Variants in TENM2 observed in about 807,000 individuals in gnomAD.
TENM2 encodes the protein teneurin-2.
In TENM2, 52 loss-of-function variants were observed where a neutral mutation model predicts 245.2. The ratio of observed to expected loss-of-function variants is 0.21; its 90% CI spans 0.17 to 0.27. TENM2 has a LOEUF of 0.27. Ranked by LOEUF, TENM2 falls within the 10% of genes least tolerant of loss-of-function variation. The pLI is 1.00. For missense variants in TENM2, 3,046 were observed against 3,666.8 expected (o/e 0.83, Z 4.37); for synonymous variants, 1,363 against 1,438.9 (o/e 0.95, Z 1.19).
the TENM2 span, among the ~76,000 whole-genome samples, chr5:167,071,456 T>TTGCC: frequency 2.0e-5 from 3 of 152,178 alleles, no homozygotes; most frequent in African/African-American, 7.2e-5. Context: ...TGGGCTCTGC[T>TTGCC]TGCCAAGTTG....
rs571533667 is a variant in TENM2, at chr5:167,890,396, ATGTTTGTGTAATATTTTC to A, written c.712+14203_712+14220del. Among the ~76,000 whole-genome samples, 1,016 of 152,228 alleles carry A rather than the reference ATGTTTGTGTAATATTTTC, an allele frequency of 6.7e-3. 4 individuals carry two copies. The highest frequency in any genetic ancestry group is 0.014 in the Admixed American group (213 of 15,290). ...TATTAAATAATAATCATCATCACTT[ATGTTTGTGTAATATTTTC>A]TATTTCAAGGAACAAGATCATGTCC... On this transcript the variant is annotated intron_variant, in intron 3 of 28. Transcript: ENST00000518659.
chr5:167,378,638 T>C (rs1056471038), intron 2 of TENM2, among the ~76,000 whole-genome samples: 1 of 152,134 alleles, frequency 6.6e-6, no homozygotes, highest in South Asian at 2.1e-4. Context: ...CTAGTAACTT[T>C]AAATTAGAGT....
chr5:167,761,610 G>A (rs1275940982), intron 2 of TENM2, among the ~76,000 whole-genome samples: 1 of 152,148 alleles, frequency 6.6e-6, no homozygotes, highest in South Asian at 2.1e-4. Flanking sequence ...TTTTAGTTTT[G>A]AATTATTAAG....
intron 3 of TENM2, among the ~76,000 whole-genome samples, chr5:167,898,153 G>A (rs1006052711): frequency 6.6e-6 from 1 of 152,128 alleles, no homozygotes; most frequent in African/African-American, 2.4e-5. Flanking sequence ...ACCTTTGGAT[G>A]TTGCCAATAG....
the TENM2 span, among the ~76,000 whole-genome samples, chr5:167,007,753 A>T: frequency 2.0e-5 from 3 of 152,170 alleles, no homozygotes; most frequent in South Asian, 2.1e-4. This position sits in a 1 kb window ranked among gnomAD's most constrained non-coding sequence, Gnocchi z 4.2. Flanking sequence ...CGAATCCATT[A>T]TTTTAAATAG....
chr5:167,328,372 A>C (rs920903423), intron 1 of TENM2, among the ~76,000 whole-genome samples: 1 of 151,848 alleles, frequency 6.6e-6, no homozygotes, highest in African/African-American at 2.4e-5. Context: ...ATGCCCAGCT[A>C]ATTTTTTTGT....
At chr5:167,860,395 C>T (rs1771663201) in intron 2 of TENM2, among the ~76,000 whole-genome samples, 4 of 98,852 alleles carry the variant, frequency 4.0e-5, no homozygotes, top group South Asian at 8.7e-4. Flanking sequence ...CCCGGCCAGC[C>T]GCCCCGTCCG....
the TENM2 span, among the ~76,000 whole-genome samples, chr5:167,239,214 T>G: frequency 6.6e-6 from 1 of 152,206 alleles, no homozygotes; most frequent in African/African-American, 2.4e-5. Flanking sequence ...TAATAGACAC[T>G]TTTCATTTAG....
intron 24 of TENM2, among the ~76,000 whole-genome samples, 199 bp from the exon 27 acceptor site, chr5:168,227,696 T>G (rs1764346728): frequency 6.6e-6 from 1 of 152,102 alleles, no homozygotes; most frequent in South Asian, 2.1e-4. Context: ...CATATTATGT[T>G]TTTCTTTACG....
chr5:168,039,102 G>A (rs1290265847), intron 5 of TENM2, among the ~76,000 whole-genome samples: 1 of 152,200 alleles, frequency 6.6e-6, no homozygotes. Flanking sequence ...CCTTGCAGAA[G>A]GCTATTTTTC....
the TENM2 span, among the ~76,000 whole-genome samples, chr5:167,248,353 C>G: frequency 6.6e-6 from 1 of 152,136 alleles, no homozygotes; most frequent in South Asian, 2.1e-4. Flanking sequence ...TGATTCACTT[C>G]TAAGGGTAGT....
the TENM2 span, among the ~76,000 whole-genome samples, chr5:167,275,696 T>A: frequency 3.3e-5 from 5 of 152,110 alleles, no homozygotes; most frequent in African/African-American, 1.2e-4. Flanking sequence ...ATTTTTACAT[T>A]TTTATCTTAT....
At chr5:167,375,116 G>A in intron 1 of TENM2, 82 bp from the exon 4 acceptor site, 3 of 1,423,500 alleles carry the variant, frequency 2.1e-6, no homozygotes, top group Non-Finnish European at 2.8e-6. Context: ...GGGAAAAGTG[G>A]CTGCTTTTTT....
chr5:167,445,363 A>AGAGAGAGAGAGAGAGAGAGAGAGAGAGG (rs1561961822), intron 2 of TENM2, among the ~76,000 whole-genome samples: 1 of 139,690 alleles, frequency 7.2e-6, no homozygotes, highest in African/African-American at 2.7e-5. Flanking sequence ...AGAGAGAGAG[A>AGAGAGAGAGAGAGAGAGAGAGAGAGAGG]GAGAGAGTGT....
chr5:167,328,247 G>A (rs572188664), intron 1 of TENM2, among the ~76,000 whole-genome samples: 5 of 125,722 alleles, frequency 4.0e-5, no homozygotes, highest in Admixed American at 2.0e-4. Context: ...TTGCTCTGTC[G>A]CCAGGCTGGA....
chr5:167,650,091 A>G (rs1754352108), intron 2 of TENM2, among the ~76,000 whole-genome samples: 1 of 152,202 alleles, frequency 6.6e-6, no homozygotes, highest in Non-Finnish European at 1.5e-5. Context: ...TGTAAGTAAA[A>G]ATGTCAGTTC....
intron 2 of TENM2, among the ~76,000 whole-genome samples, chr5:167,438,499 C>T (rs1764697917): frequency 6.9e-6 from 1 of 145,706 alleles, no homozygotes; most frequent in African/African-American, 2.4e-5. Flanking sequence ...TCACGGTATT[C>T]TCCTGCCTCA....
At chr5:167,267,502 T>C in the TENM2 span, among the ~76,000 whole-genome samples, 17,644 of 152,108 alleles carry the variant, frequency 0.12, 1,219 homozygotes, top group East Asian at 0.19. Context: ...TGGGAGGGAA[T>C]ATTCCCCTCT....
chr5:167,170,742 A>G, the TENM2 span, among the ~76,000 whole-genome samples: 55 of 152,244 alleles, frequency 3.6e-4, no homozygotes, highest in African/African-American at 1.3e-3. Flanking sequence ...TTTGTTTCCA[A>G]ACACTTCACC....
Sources: gnomAD v4.1 joint callset for allele counts (sites outside exome capture counted in the v4.1 genomes callset) on GRCh38, gnomAD v4.1.1 for gene constraint, Gnocchi (gnomAD v3.1) non-coding constraint, MANE v1.5 for transcripts, NCBI Gene and HGNC (gene_info 2026-07-23, HGNC 2026-07-21) for gene names.